TEC: variants seen among roughly 807,000 people sequenced by gnomAD.
TEC encodes tec protein tyrosine kinase.
In TEC, 72 loss-of-function variants were observed where a neutral mutation model predicts 93.0. The observed-to-expected ratio is 0.77, with a 90% CI of 0.64 to 0.94. The LOEUF (loss-of-function observed/expected upper bound fraction) is 0.94. TEC is among the 40% of genes least tolerant of loss of function. The probability of loss-of-function intolerance (pLI) is 0.00; values close to 1 mark genes in which losing one functional copy is unlikely to be tolerated. For missense variants in TEC, 630 were observed against 757.9 expected (o/e 0.83, Z 1.98); for synonymous variants, 249 against 247.7 (o/e 1.01, Z -0.05).
In TEC at chr4:48,141,426, A is replaced by C. The variant is rs768092786; in HGVS notation, c.1471-7T>G. ...CTAGACAATTTCTGGCAGCCTGGAA[A>C]ACAACATTATGATGGTATATTAGTT... On this transcript the variant is annotated splice_region_variant and splice_polypyrimidine_tract_variant and intron_variant, in intron 14 of 17. Transcript: ENST00000381501. 20 of 1,613,504 alleles carry C rather than the reference A, an allele frequency of 1.2e-5. No homozygotes were observed. The highest frequency in any genetic ancestry group is 1.7e-5 in the Non-Finnish European group (20 of 1,179,704).
At chr4:48,254,428 G>T (rs1724287079) in intron 1 of TEC, among the ~76,000 whole-genome samples, 1 of 152,236 alleles carries the variant, frequency 6.6e-6, no homozygotes, top group African/African-American at 2.4e-5. Flanking sequence ...CTGTGAGGAG[G>T]CTCTGGTGTG....
intron 1 of TEC, among the ~76,000 whole-genome samples, 164 bp from the exon 2 acceptor site, chr4:48,228,823 C>T (rs1723563439): frequency 6.6e-6 from 1 of 152,158 alleles, no homozygotes; most frequent in Non-Finnish European, 1.5e-5. Flanking sequence ...ATTCAATCTC[C>T]TCTCCTTTTC....
chr4:48,162,811 C>G (rs547242534), intron 8 of TEC, among the ~76,000 whole-genome samples: 1 of 152,262 alleles, frequency 6.6e-6, no homozygotes, highest in African/African-American at 2.4e-5. Flanking sequence ...TACACCACCT[C>G]AGAATGACCA....
At chr4:48,257,792 C>G (rs979634416) in intron 1 of TEC, among the ~76,000 whole-genome samples, 1 of 17,862 alleles carries the variant, frequency 5.6e-5, no homozygotes, top group Non-Finnish European at 7.7e-3. Context: ...GCACCCTGTC[C>G]ACATGCCCAT....
At chr4:48,198,786 T>C (rs1356461197) in intron 2 of TEC, among the ~76,000 whole-genome samples, 1 of 152,128 alleles carries the variant, frequency 6.6e-6, no homozygotes, top group Non-Finnish European at 1.5e-5. Context: ...AATAGAAGTA[T>C]ATTTAAATTT....
intron 3 of TEC, among the ~76,000 whole-genome samples, chr4:48,174,832 A>G (rs912441241): frequency 3.3e-5 from 5 of 152,222 alleles, no homozygotes; most frequent in African/African-American, 1.2e-4. Context: ...AGAGAATAGC[A>G]ATAGTAATAA....
chr4:48,228,733 A>T, intron 1 of TEC, 74 bp from the exon 2 acceptor site: 1 of 1,315,854 alleles, frequency 7.6e-7, no homozygotes, highest in Non-Finnish European at 1.0e-6. Flanking sequence ...CAATTACCAA[A>T]ATCAGCTTCA....
At chr4:48,185,960 A>G (rs9685525) in intron 2 of TEC, among the ~76,000 whole-genome samples, 2 of 151,758 alleles carry the variant, frequency 1.3e-5, no homozygotes, top group African/African-American at 4.8e-5. Context: ...CCTCCCTGCC[A>G]GATTCTCCTG....
chr4:48,200,319 C>A (rs1332345044), intron 2 of TEC, among the ~76,000 whole-genome samples: 1 of 152,136 alleles, frequency 6.6e-6, no homozygotes, highest in East Asian at 1.9e-4. Context: ...TCAATGTGGA[C>A]AGGCTGGCAG....
intron 2 of TEC, among the ~76,000 whole-genome samples, chr4:48,215,458 G>C (rs978477303): frequency 3.9e-5 from 6 of 152,224 alleles, no homozygotes; most frequent in African/African-American, 1.4e-4. Flanking sequence ...AGTGAGCTGG[G>C]ATTGCGCCAC....
intron 8 of TEC, among the ~76,000 whole-genome samples, chr4:48,163,152 T>C (rs1215920458): frequency 3.3e-5 from 5 of 152,174 alleles, no homozygotes; most frequent in Non-Finnish European, 1.5e-5. Context: ...TAATGCTTGA[T>C]ACATGCTAAG....
intron 1 of TEC, among the ~76,000 whole-genome samples, chr4:48,255,332 CCAG>C (rs1724313968): frequency 6.6e-6 from 1 of 152,128 alleles, no homozygotes; most frequent in South Asian, 2.1e-4. Context: ...TTCCTAAATG[CCAG>C]CAGAAGAGTC....
intron 15 of TEC, 115 bp from the exon 16 acceptor site, chr4:48,139,137 G>A: frequency 1.2e-6 from 1 of 864,514 alleles, no homozygotes; most frequent in Non-Finnish European, 1.8e-6. Flanking sequence ...AGTCCAACAA[G>A]CATCCGGTTG....
chr4:48,258,474 A>G (rs1307321700), intron 1 of TEC, among the ~76,000 whole-genome samples: 2 of 152,130 alleles, frequency 1.3e-5, no homozygotes, highest in Non-Finnish European at 2.9e-5. Flanking sequence ...GCCATTTTGC[A>G]TAGACTTGAG....
chr4:48,187,800 T>C (rs1721943150), intron 2 of TEC, among the ~76,000 whole-genome samples: 1 of 152,240 alleles, frequency 6.6e-6, no homozygotes. Context: ...TGTGTAAAAA[T>C]AAATGTATAC....
chr4:48,170,537 C>G (rs547244468), intron 4 of TEC, among the ~76,000 whole-genome samples, 161 bp from the exon 5 acceptor site: 1 of 152,296 alleles, frequency 6.6e-6, no homozygotes, highest in East Asian at 1.9e-4. Flanking sequence ...CTCTATAGTT[C>G]TCTTTGACCT....
At chr4:48,187,272 T>G (rs1284421348) in intron 2 of TEC, among the ~76,000 whole-genome samples, 1 of 152,114 alleles carries the variant, frequency 6.6e-6, no homozygotes, top group Non-Finnish European at 1.5e-5. Flanking sequence ...TAATCTCAAG[T>G]ACCCAGGGAC....
chr4:48,229,588 C>T (rs1224096031), intron 1 of TEC, among the ~76,000 whole-genome samples: 1 of 151,474 alleles, frequency 6.6e-6, no homozygotes, highest in South Asian at 2.1e-4. Flanking sequence ...GCAGCCTGGC[C>T]AACATAGCAA....
At chr4:48,245,883 G>A (rs1724039300) in intron 1 of TEC, among the ~76,000 whole-genome samples, 1 of 152,100 alleles carries the variant, frequency 6.6e-6, no homozygotes, top group Non-Finnish European at 1.5e-5. Context: ...GGCAGAGGAG[G>A]GTAGATCACT....
Sources: allele counts gnomAD v4.1 joint callset (sites outside exome capture counted in the v4.1 genomes callset), GRCh38; gene constraint gnomAD v4.1.1; transcripts MANE v1.5; gene names NCBI Gene and HGNC (gene_info 2026-07-23, HGNC 2026-07-21).